PTK7: variants seen among roughly 807,000 people sequenced by gnomAD.
PTK7 encodes protein tyrosine kinase 7 (inactive), also known as inactive tyrosine-protein kinase 7.
Under a neutral mutation model 116.6 loss-of-function variants are expected in PTK7, and 39 were observed. That is an observed-to-expected ratio of 0.33 (90% CI 0.26 to 0.44). PTK7 has a LOEUF of 0.44. Ranked by LOEUF, PTK7 falls within the 20% of genes least tolerant of loss-of-function variation. The probability of loss-of-function intolerance (pLI) is 1.00; values close to 1 mark genes in which losing one functional copy is unlikely to be tolerated. For missense variants in PTK7, 1,169 were observed against 1,425.6 expected, an observed-to-expected ratio of 0.82 and a Z score of 2.90; for synonymous variants, 546 against 563.6, an observed-to-expected ratio of 0.97 and a Z score of 0.44.
chr6:43,149,205 C>G (rs1437528660), intron 17 of PTK7, among the ~76,000 whole-genome samples: 1 of 151,782 alleles, frequency 6.6e-6, no homozygotes, highest in East Asian at 1.9e-4. Context: ...AACCCCATCT[C>G]TACTAAAAAT....
chr6:43,157,606 C>T, intron 17 of PTK7, among the ~76,000 whole-genome samples: 1 of 151,742 alleles, frequency 6.6e-6, no homozygotes, highest in Non-Finnish European at 1.5e-5. Flanking sequence ...TAAGATCAGG[C>T]ATGGTGCCAC....
intron 1 of PTK7, among the ~76,000 whole-genome samples, chr6:43,106,656 T>C: frequency 6.8e-6 from 1 of 148,012 alleles, no homozygotes; most frequent in Non-Finnish European, 1.5e-5. Context: ...CTGCCTTTTT[T>C]TTTTTTTTTT....
intron 1 of PTK7, among the ~76,000 whole-genome samples, chr6:43,098,386 C>T (rs13437190): frequency 0.12 from 18,516 of 150,476 alleles, 1,865 homozygotes; most frequent in East Asian, 0.32. Flanking sequence ...GAGACAGCCT[C>T]GCTCTGTCGC....
At chr6:43,119,029 G>C (rs1768791347) in intron 1 of PTK7, among the ~76,000 whole-genome samples, 1 of 151,922 alleles carries the variant, frequency 6.6e-6, no homozygotes, top group Non-Finnish European at 1.5e-5. Flanking sequence ...CCAAAGTGTT[G>C]AGATTACAGG....
chr6:43,085,933 C>CAA (rs752791085), intron 1 of PTK7, among the ~76,000 whole-genome samples: 16 of 72,294 alleles, frequency 2.2e-4, no homozygotes, highest in Admixed American at 8.1e-4. Context: ...AACTCTGTCT[C>CAA]AAAAAAAAAA....
At position 43,143,468 on chromosome 6, in the gene PTK7, A is replaced by G. The variant is rs1313784698; in HGVS notation, c.2099A>G (p.Lys700Arg). 3 of 1,614,086 alleles carry G rather than the reference A, an allele frequency of 1.9e-6. No individual in the cohort carries two copies. In the South Asian group the frequency reaches 3.3e-5, roughly 18 times the overall value. ...SEGPGSPPPY[K>R]MIQTIGLSVG... ...GGCCCTGGCAGCCCTCCCCCCTACA[A>G]GATGATCCAGACCATTGGGTTGTCG... The change falls in exon 14 of 20, where the codon AAG becomes AGG. Residue 700 changes from lysine to arginine, a missense_variant. Physicochemically the swap from Lys to Arg is conservative, Grantham distance 26. Transcript: ENST00000230419. This position sits in a 1 kb window ranked among gnomAD's most constrained non-coding sequence, Gnocchi z 4.2.
chr6:43,086,529 G>A (rs1394510932), intron 1 of PTK7, among the ~76,000 whole-genome samples: 1 of 151,862 alleles, frequency 6.6e-6, no homozygotes, highest in Non-Finnish European at 1.5e-5. Flanking sequence ...GTACCTTTGT[G>A]CACATTACAA....
At chr6:43,127,262 C>T (rs1194604507) in intron 1 of PTK7, among the ~76,000 whole-genome samples, 1 of 152,198 alleles carries the variant, frequency 6.6e-6, no homozygotes, top group African/African-American at 2.4e-5. Flanking sequence ...ATTTCTTCTT[C>T]CGGGGGCGGG....
At chr6:43,126,839 C>T (rs1443980865) in intron 1 of PTK7, among the ~76,000 whole-genome samples, 2 of 152,198 alleles carry the variant, frequency 1.3e-5, no homozygotes, top group Non-Finnish European at 2.9e-5. Flanking sequence ...GATTTGTTAA[C>T]TTGCACAGCA....
chr6:43,127,343 T>G (rs1273154122), intron 1 of PTK7, among the ~76,000 whole-genome samples: 1 of 152,196 alleles, frequency 6.6e-6, no homozygotes, highest in Non-Finnish European at 1.5e-5. Context: ...CCACGCGGGC[T>G]AGGAACAAAG....
In PTK7 at chr6:43,143,795, CT is replaced by C. The variant is rs1285750416; in HGVS notation, c.2251+177del. ...TGGAGTTGGATTCCCAGGGCCTCGTCTTCTGAGCAACCTGGCTTGAGACTTC... is the reference window on the plus strand; with the variant it reads ...TGGAGTTGGATTCCCAGGGCCTCGTCTCTGAGCAACCTGGCTTGAGACTTC... On this transcript the variant is annotated intron_variant, in intron 14 of 19. Coordinates refer to ENST00000230419, the MANE Select transcript of PTK7 (RefSeq NM_002821.5). This position sits in a 1 kb window ranked among gnomAD's most constrained non-coding sequence, Gnocchi z 4.2. 6.6e-6 allele frequency among the ~76,000 whole-genome samples: 1 copy of C among 152,224 alleles called. No individual in the cohort carries two copies. Among genetic ancestry groups the C allele is most frequent in the African/African-American group, 2.4e-5 (1 of 41,450 alleles).
Position 43,160,789 on chromosome 6 carries a change from C to G in PTK7, c.3121C>G (p.Gln1041Glu). Reference protein sequence around the residue: ...GCPSKLYRLMQRCWALSPKDR... With the variant: ...GCPSKLYRLMERCWALSPKDR... ...CCCTTCCAAACTCTATCGGCTGATG[C>G]AGCGCTGCTGGGCCCTCAGCCCCAA... Residue 1041 changes from glutamine to glutamate, a missense_variant, in exon 20 of 20, where the codon CAG becomes GAG. By Grantham distance (29) the Gln-to-Glu change is conservative (BLOSUM62 2). This residue lies in a region of PTK7 where 678 missense variants were observed against 853.8 expected (regional missense o/e 0.79). Coordinates refer to ENST00000230419, the MANE Select transcript of PTK7 (RefSeq NM_002821.5). 1 of 1,614,190 alleles carries G rather than the reference C, an allele frequency of 6.2e-7. No homozygotes were observed. The highest frequency in any genetic ancestry group is 1.1e-5 in the South Asian group (1 of 91,090).
At chr6:43,078,800 T>C (rs749390907) in intron 1 of PTK7, among the ~76,000 whole-genome samples, 2 of 152,224 alleles carry the variant, frequency 1.3e-5, no homozygotes, top group Non-Finnish European at 2.9e-5. Context: ...CCCCAACCTC[T>C]TGTACAGTCA....
Position 43,076,413 on chromosome 6 carries a change from G to GC in PTK7, c.-74dup, listed in dbSNP as rs1195737192. 5 of 1,240,008 alleles carry GC rather than the reference G, an allele frequency of 4.0e-6. No homozygotes were observed. The highest frequency in any genetic ancestry group is 5.3e-6 in the Non-Finnish European group (5 of 951,234). 76.8% of individuals were successfully genotyped at this position (1,240,008 alleles called of 1,614,324 possible). A position where few individuals can be genotyped will look rare whatever the true frequency, so the allele number is the denominator to read the frequency against. ...CGGCGCCCGCGCTCCGGTGCGCTCC[G>GC]CCTCCTGTGCCCGCCGCGGAGCGCA... On this transcript the variant is annotated 5_prime_UTR_variant, in exon 1 of 20. Transcript: ENST00000230419. This position sits in a 1 kb window ranked among gnomAD's most constrained non-coding sequence, Gnocchi z 5.7.
chr6:43,103,234 C>G (rs555813038), intron 1 of PTK7, among the ~76,000 whole-genome samples: 22 of 152,256 alleles, frequency 1.4e-4, no homozygotes, highest in Non-Finnish European at 2.8e-4. Context: ...CAGTAAATAC[C>G]CTTCTCCCTT....
chr6:43,116,242 A>C (rs1386104040), intron 1 of PTK7, among the ~76,000 whole-genome samples: 1 of 152,176 alleles, frequency 6.6e-6, no homozygotes, highest in Non-Finnish European at 1.5e-5. Flanking sequence ...AAGGGTCGCA[A>C]GAGGGGCCTT....
chr6:43,090,696 G>T (rs1424872552), intron 1 of PTK7, among the ~76,000 whole-genome samples: 1 of 152,134 alleles, frequency 6.6e-6, no homozygotes, highest in African/African-American at 2.4e-5. Context: ...TTATCCTCAG[G>T]CTCTGATGCT....
In PTK7 at chr6:43,139,428, A is replaced by T. The variant is rs200603414; in HGVS notation, c.1521A>T (p.Pro507=). The change falls in exon 10 of 20, where the codon CCA becomes CCT. Residue 507 remains proline (P), a synonymous_variant. Transcript: ENST00000230419. This position sits in a 1 kb window ranked among gnomAD's most constrained non-coding sequence, Gnocchi z 4.6. The stretch of plus-strand genomic sequence containing the variant: ...CAGAAAAGCTCAAGTTCACACCACC[A>T]CCCCAGCCACAGCAGTGCATGGAGT... ...QVLEKLKFTP[P]PQPQQCMEFD... is the part of the protein sequence containing the mutation. The T allele has an allele frequency of 3.6e-5, 58 of 1,611,368 alleles. No individual in the cohort carries two copies. Among genetic ancestry groups the T allele is most frequent in the African/African-American group, 4.0e-5 (3 of 74,716 alleles).
intron 6 of PTK7, 38 bp downstream of exon 6, chr6:43,132,202 G>A: frequency 6.4e-7 from 1 of 1,563,244 alleles, no homozygotes; most frequent in Non-Finnish European, 8.7e-7. Context: ...GTGGGAGGCT[G>A]CCTTTAACAT....
Sources: allele counts gnomAD v4.1 joint callset (sites outside exome capture counted in the v4.1 genomes callset), GRCh38; gene constraint gnomAD v4.1.1; regional missense constraint gnomAD v4.1.1; non-coding constraint Gnocchi (gnomAD v3.1); transcripts MANE v1.5; gene names NCBI Gene and HGNC (gene_info 2026-07-23, HGNC 2026-07-21).